Variants in HHLA1 observed in about 807,000 individuals in gnomAD.
HHLA1 encodes the protein HERV-H LTR-associating protein 1.
In HHLA1, 72 loss-of-function variants were observed where a neutral mutation model predicts 69.9. The observed-to-expected ratio is 1.03, with a 90% CI of 0.85 to 1.25. The LOEUF is 1.25. Among genes scored for constraint, HHLA1 ranks in the 50% most tolerant of loss-of-function variants. The pLI is 0.00. For synonymous variants in HHLA1, 252 were observed against 233.2 expected (o/e 1.08, Z -0.73); for missense variants, 685 against 642.2 (o/e 1.07, Z -0.72).
chr8:132,105,049 G>A (rs1439023217), intron 2 of HHLA1, 138 bp downstream of exon 2: 1 of 679,820 alleles, frequency 1.5e-6, no homozygotes, highest in African/African-American at 1.8e-5. Context: ...ACAGAAGTAG[G>A]GAAGTTATTC....
intron 4 of HHLA1, 105 bp from the exon 5 acceptor site, chr8:132,099,067 G>A: frequency 1.2e-6 from 1 of 806,100 alleles, no homozygotes; most frequent in Non-Finnish European, 1.9e-6. Flanking sequence ...TTGCACATGT[G>A]CTGAAAACAA....
intron 11 of HHLA1, 98 bp downstream of exon 11, chr8:132,079,620 G>T: frequency 7.7e-7 from 1 of 1,297,904 alleles, no homozygotes; most frequent in Non-Finnish European, 1.0e-6. Context: ...AGTTGGTGGA[G>T]AAGGGATTAA....
At chr8:132,100,363 G>A (rs984649837) in intron 3 of HHLA1, among the ~76,000 whole-genome samples, 2 of 152,050 alleles carry the variant, frequency 1.3e-5, no homozygotes, top group African/African-American at 2.4e-5. Flanking sequence ...TCAGCTTGGC[G>A]ATTCTGATAC....
At chr8:132,069,244 G>A (rs1823490081) in intron 15 of HHLA1, among the ~76,000 whole-genome samples, 1 of 152,080 alleles carries the variant, frequency 6.6e-6, no homozygotes, top group African/African-American at 2.4e-5. Context: ...CCTCCATAAA[G>A]CCCTATTAGT....
At position 132,077,872 on chromosome 8, in the gene HHLA1, T is replaced by G; in HGVS notation, c.1025A>C (p.Lys342Thr). ...AGTTTCCCAGAGAGACCCTCCAGGTTTTTTCTCACTGATGGTCTGAGCCCA... is the reference window on the plus strand; with the variant it reads ...AGTTTCCCAGAGAGACCCTCCAGGTGTTTTCTCACTGATGGTCTGAGCCCA... ...VPWAQTISEK[K>T]PGGSLWETRS... The change falls in exon 12 of 17, where the codon AAA becomes ACA. Residue 342 changes from lysine to threonine, a missense_variant. Physicochemically the swap from Lys to Thr is moderately conservative, Grantham distance 78 (BLOSUM62 -1). Transcript: ENST00000414222. 5.8e-6 allele frequency: 9 copies of G among 1,551,410 alleles called. No homozygotes were observed. Among genetic ancestry groups the G allele is most frequent in the Non-Finnish European group, 7.0e-6 (8 of 1,146,940 alleles).
chr8:132,105,057 T>C (rs551207276), intron 2 of HHLA1, 130 bp downstream of exon 2: 29 of 720,754 alleles, frequency 4.0e-5, no homozygotes, highest in Admixed American at 1.2e-4. Context: ...AGGGAAGTTA[T>C]TCTTGCCATT....
intron 7 of HHLA1, among the ~76,000 whole-genome samples, chr8:132,093,809 G>A (rs1823979585): frequency 6.6e-6 from 1 of 152,156 alleles, no homozygotes; most frequent in African/African-American, 2.4e-5. Flanking sequence ...AGGGGTTAAT[G>A]AAATGGTGAG....
intron 15 of HHLA1, among the ~76,000 whole-genome samples, chr8:132,066,650 G>A (rs2130873667): frequency 6.6e-6 from 1 of 152,226 alleles, no homozygotes. Context: ...GAGGAGGTTG[G>A]GCTAAACATT....
chr8:132,075,459 CCT>C (rs1823618542), intron 14 of HHLA1, among the ~76,000 whole-genome samples: 2 of 152,298 alleles, frequency 1.3e-5, no homozygotes, highest in East Asian at 1.9e-4. Context: ...AAGTCCTCAG[CCT>C]CTGTCAGGAG....
intron 10 of HHLA1, among the ~76,000 whole-genome samples, chr8:132,083,758 T>A (rs1823805401): frequency 6.6e-6 from 1 of 152,126 alleles, no homozygotes; most frequent in Non-Finnish European, 1.5e-5. Flanking sequence ...GTTCGGGCGT[T>A]TGGAAGTTCT....
At chr8:132,085,533 C>G (rs34597028) in intron 10 of HHLA1, 2 of 296,468 alleles carry the variant, frequency 6.7e-6, no homozygotes, top group Admixed American at 8.8e-5. Flanking sequence ...TCCCCCGATC[C>G]GAGTGACGGC....
intron 16 of HHLA1, among the ~76,000 whole-genome samples, chr8:132,065,102 T>C (rs1049499568): frequency 2.0e-5 from 3 of 152,172 alleles, no homozygotes; most frequent in African/African-American, 7.2e-5. Flanking sequence ...GGTTTTGGGA[T>C]ATTTTTTGCA....
At chr8:132,101,280 TAA>T in intron 3 of HHLA1, 1 of 1,549,882 alleles carries the variant, frequency 6.5e-7, no homozygotes, top group Non-Finnish European at 8.7e-7. Context: ...GACACTGAAA[TAA>T]AAGTTTTCAT....
At chr8:132,086,118 C>T (rs1381413390) in intron 10 of HHLA1, among the ~76,000 whole-genome samples, 2 of 152,154 alleles carry the variant, frequency 1.3e-5, no homozygotes, top group East Asian at 1.9e-4. Context: ...ATCTACCCAG[C>T]ATCCTTGGTT....
At chr8:132,086,428 A>C (rs1192082552) in intron 10 of HHLA1, among the ~76,000 whole-genome samples, 8 of 152,300 alleles carry the variant, frequency 5.3e-5, no homozygotes, top group Admixed American at 3.9e-4. Context: ...TGCGTGCAAC[A>C]CCAGCCTGAG....
At chr8:132,094,188 G>GA (rs1823985797) in intron 7 of HHLA1, among the ~76,000 whole-genome samples, 1 of 32,062 alleles carries the variant, frequency 3.1e-5, no homozygotes, top group African/African-American at 5.7e-5. Flanking sequence ...TAATATGGTG[G>GA]AAGGGTTAAT....
At chr8:132,104,251 G>C in intron 2 of HHLA1, 84 bp from the exon 3 acceptor site, 1 of 924,982 alleles carries the variant, frequency 1.1e-6, no homozygotes, top group Non-Finnish European at 1.7e-6. Flanking sequence ...CCATTTTACA[G>C]ATGAGAGAAT....
At chr8:132,075,915 A>T in intron 14 of HHLA1, 140 bp downstream of exon 14, 1 of 609,830 alleles carries the variant, frequency 1.6e-6, no homozygotes. Flanking sequence ...AGGCCACCTC[A>T]CCAGTAAATG....
intron 1 of HHLA1, among the ~76,000 whole-genome samples, chr8:132,107,453 A>G (rs1490029904): frequency 6.6e-6 from 1 of 152,102 alleles, no homozygotes; most frequent in Non-Finnish European, 1.5e-5. Context: ...GGTATGTGCC[A>G]TCATGCCCGG....
Sources: allele counts gnomAD v4.1 joint callset (sites outside exome capture counted in the v4.1 genomes callset), GRCh38; gene constraint gnomAD v4.1.1; transcripts MANE v1.5; gene names NCBI Gene and HGNC (gene_info 2026-07-23, HGNC 2026-07-21).